The following EPB41L4A variants were observed in gnomAD, a reference collection of about 807,000 sequenced individuals.
The protein encoded by EPB41L4A is erythrocyte membrane protein band 4.1 like 4A.
EPB41L4A carries 100 observed loss-of-function variants against 108.6 expected under a neutral mutation model. The observed-to-expected ratio is 0.92, with a 90% CI of 0.78 to 1.09. The LOEUF (loss-of-function observed/expected upper bound fraction) is 1.09, where lower values mean the gene tolerates loss of function less well. Among genes scored for constraint, EPB41L4A ranks in the 50% least tolerant of loss-of-function variants. The pLI, the probability that EPB41L4A is intolerant of heterozygous loss-of-function variation, is 0.00. For synonymous variants in EPB41L4A, 319 were observed against 289.0 expected (o/e 1.10, Z -1.05); for missense variants, 1,030 against 842.7 (o/e 1.22, Z -2.75).
At chr5:112,288,730 T>G (rs927866479) in intron 2 of EPB41L4A, among the ~76,000 whole-genome samples, 15 of 152,190 alleles carry the variant, frequency 9.9e-5, no homozygotes, top group Admixed American at 9.2e-4. Flanking sequence ...AAACATATCT[T>G]ATCACCTTAA....
chr5:112,154,098 G>A lies in EPB41L4A; in HGVS notation n.994+4303C>T, dbSNP rs554886059. Reference sequence around the variant, plus strand: ...ACTGTAATAATAAGTATTAGAAGAGGTAAAATTAATTAATAATGTAAGTGT... The same window carrying A: ...ACTGTAATAATAAGTATTAGAAGAGATAAAATTAATTAATAATGTAAGTGT... On this transcript the variant is annotated intron_variant and non_coding_transcript_variant, in intron 12 of 13. Coordinates refer to the EPB41L4A transcript ENST00000507810. 1.1e-4 allele frequency among the ~76,000 whole-genome samples: 17 copies of A among 152,196 alleles called. No homozygotes were observed. The South Asian group carries it at 2.3e-3, about 20-fold the overall frequency.
At chr5:112,318,176 C>T (rs935951348) in intron 1 of EPB41L4A, among the ~76,000 whole-genome samples, 2 of 152,182 alleles carry the variant, frequency 1.3e-5, no homozygotes, top group African/African-American at 2.4e-5. Flanking sequence ...ACTAACCAAG[C>T]ACTTGCCTTC....
At chr5:112,314,707 T>C (rs1342590404) in intron 1 of EPB41L4A, among the ~76,000 whole-genome samples, 1 of 151,522 alleles carries the variant, frequency 6.6e-6, no homozygotes, top group Non-Finnish European at 1.5e-5. Context: ...ACAGGAAAAT[T>C]GCCTGAAGCC....
intron 12 of EPB41L4A, among the ~76,000 whole-genome samples, chr5:112,156,252 C>T (rs1350199879): frequency 6.6e-6 from 1 of 151,982 alleles, no homozygotes; most frequent in East Asian, 1.9e-4. Flanking sequence ...ATAAGAAAGG[C>T]ATAAAAATGA....
At chr5:112,311,680 C>T (rs2150590578) in intron 1 of EPB41L4A, among the ~76,000 whole-genome samples, 1 of 152,292 alleles carries the variant, frequency 6.6e-6, no homozygotes, top group East Asian at 1.9e-4. Flanking sequence ...TGCACCCCAG[C>T]CTGGGCGACA....
At chr5:112,160,162 A>AG (rs1403746430), downstream of EPB41L4A, among the ~76,000 whole-genome samples, 1 of 152,056 alleles carries the variant, frequency 6.6e-6, no homozygotes, top group Non-Finnish European at 1.5e-5. Context: ...CACCTGCCTC[A>AG]GCCTGCCAAA....
At chr5:112,318,873 C>A (rs577481185) in intron 1 of EPB41L4A, among the ~76,000 whole-genome samples, 12 of 152,260 alleles carry the variant, frequency 7.9e-5, no homozygotes, top group Non-Finnish European at 1.5e-4. Flanking sequence ...ACAGAAAAAC[C>A]TCAAGAATTT....
chr5:112,173,407 A>AATGATAAC (rs1760695068), intron 18 of EPB41L4A, among the ~76,000 whole-genome samples: 1 of 152,158 alleles, frequency 6.6e-6, no homozygotes, highest in African/African-American at 2.4e-5. Context: ...ACATTAAAAA[A>AATGATAAC]ATGATAACAT....
At chr5:112,349,941 A>T (rs1294373997) in intron 1 of EPB41L4A, among the ~76,000 whole-genome samples, 1 of 152,188 alleles carries the variant, frequency 6.6e-6, no homozygotes, top group Non-Finnish European at 1.5e-5. Flanking sequence ...TATAAAAAGT[A>T]GTGGCAAAGA....
At chr5:112,398,765 G>A (rs1761545404) in intron 1 of EPB41L4A, among the ~76,000 whole-genome samples, 1 of 152,012 alleles carries the variant, frequency 6.6e-6, no homozygotes, top group African/African-American at 2.4e-5. Context: ...TATCAGATCA[G>A]CTAGCCCCTG....
intron 12 of EPB41L4A, among the ~76,000 whole-genome samples, chr5:112,146,244 G>T (rs1196856010): frequency 2.0e-4 from 30 of 152,194 alleles, no homozygotes. Context: ...TGATTTCTGG[G>T]AAGGTTTCAT....
chr5:112,272,452 A>G (rs564077567), intron 4 of EPB41L4A, among the ~76,000 whole-genome samples: 217 of 148,226 alleles, frequency 1.5e-3, no homozygotes, highest in African/African-American at 5.1e-3. Flanking sequence ...TAATTTTTTT[A>G]AAAAAGGAAA....
intron 1 of EPB41L4A, among the ~76,000 whole-genome samples, chr5:112,383,907 AAAGTT>A (rs562045047): frequency 1.6e-4 from 25 of 152,360 alleles, no homozygotes; most frequent in African/African-American, 5.0e-4. Context: ...AGATAGGTTA[AAAGTT>A]AAGTGTAAAA....
chr5:112,381,435 G>A (rs10061025), intron 1 of EPB41L4A, among the ~76,000 whole-genome samples: 21,433 of 152,232 alleles, frequency 0.14, 4,233 homozygotes, highest in African/African-American at 0.44. Flanking sequence ...ACTCACCCAA[G>A]GCCAGTTACT....
At chr5:112,178,388 C>A (rs1040277980) in intron 18 of EPB41L4A, among the ~76,000 whole-genome samples, 4 of 152,090 alleles carry the variant, frequency 2.6e-5, no homozygotes, top group African/African-American at 9.7e-5. Context: ...CTCTCAATGA[C>A]TACTTGAAAA....
chr5:112,194,047 C>T (rs1183822132), intron 17 of EPB41L4A, among the ~76,000 whole-genome samples: 1 of 152,144 alleles, frequency 6.6e-6, no homozygotes. Flanking sequence ...GACTACATGT[C>T]AAATGATGTG....
chr5:112,335,509 C>G (rs1756860135), intron 1 of EPB41L4A, among the ~76,000 whole-genome samples: 1 of 152,102 alleles, frequency 6.6e-6, no homozygotes, highest in Admixed American at 6.5e-5. Context: ...TAAATCAGGC[C>G]CTCAAACTGG....
chr5:112,392,401 C>CAAAAAAAAA (rs56256606), intron 1 of EPB41L4A, among the ~76,000 whole-genome samples: 3 of 35,918 alleles, frequency 8.4e-5, no homozygotes, highest in Non-Finnish European at 4.7e-5. Flanking sequence ...AAATGGAAAG[C>CAAAAAAAAA]AAAAAAAAAA....
chr5:112,157,234 G>A lies in EPB41L4A; in HGVS notation n.994+1167C>T, dbSNP rs115459141. 1.9e-3 allele frequency among the ~76,000 whole-genome samples: 285 copies of A among 151,924 alleles called. 1 individual carries two copies. The highest frequency in any genetic ancestry group is 6.3e-3 in the African/African-American group (262 of 41,404). ...TGGGCTATTGATAAACCACCTTAGA[G>A]CAACTGGTTATCCCTAGAACTCACT... On this transcript the variant is annotated intron_variant and non_coding_transcript_variant, in intron 12 of 13. Coordinates refer to the EPB41L4A transcript ENST00000507810.
Sources: allele counts gnomAD v4.1 joint callset (sites outside exome capture counted in the v4.1 genomes callset), GRCh38; gene constraint gnomAD v4.1.1; transcripts MANE v1.5; gene names NCBI Gene and HGNC (gene_info 2026-07-23, HGNC 2026-07-21).